Variants in PEX14 observed in about 807,000 individuals in gnomAD.
PEX14 encodes the protein peroxisomal membrane protein PEX14.
A neutral mutation model predicts 49.5 loss-of-function variants in PEX14; 15 were observed. That is an observed-to-expected ratio of 0.30 (90% CI 0.20 to 0.47). PEX14 has a LOEUF of 0.47. PEX14 is among the 20% of genes least tolerant of loss of function. The probability of loss-of-function intolerance (pLI) is 1.00; values close to 1 mark genes in which losing one functional copy is unlikely to be tolerated. For missense variants in PEX14, 398 were observed against 494.8 expected, an observed-to-expected ratio of 0.80 and a Z score of 1.86; for synonymous variants, 210 against 212.7, an observed-to-expected ratio of 0.99 and a Z score of 0.11.
chr1:10,561,729 A>G (rs541082371), intron 3 of PEX14, among the ~76,000 whole-genome samples: 1 of 152,202 alleles, frequency 6.6e-6, no homozygotes, highest in Non-Finnish European at 1.5e-5. Flanking sequence ...TTTAGTATCC[A>G]TTGGAGATTC....
chr1:10,604,275 CAA>C (rs1641067476), intron 4 of PEX14, among the ~76,000 whole-genome samples: 1 of 152,136 alleles, frequency 6.6e-6, no homozygotes, highest in Non-Finnish European at 1.5e-5. Context: ...ACAGGATAGA[CAA>C]GAGCATTCCA....
At chr1:10,475,149 C>A in intron 1 of PEX14, 147 bp downstream of exon 1, 1 of 732,904 alleles carries the variant, frequency 1.4e-6, no homozygotes, top group South Asian at 1.5e-5. Context: ...CGCCCCTCCC[C>A]AGGTCCTCCC....
At chr1:10,583,045 GTTTTTA>G (rs1640370274) in intron 3 of PEX14, among the ~76,000 whole-genome samples, 1 of 151,840 alleles carries the variant, frequency 6.6e-6, no homozygotes, top group South Asian at 2.1e-4. Context: ...CCTGGTAACG[GTTTTTA>G]TACTTACCTC....
chr1:10,508,814 G>A (rs191077344), intron 2 of PEX14, among the ~76,000 whole-genome samples: 120 of 152,348 alleles, frequency 7.9e-4, no homozygotes, highest in African/African-American at 2.7e-3. Context: ...GTGACCTAGG[G>A]CCACTTTCTT....
At chr1:10,549,033 C>T (rs2480773) in intron 3 of PEX14, among the ~76,000 whole-genome samples, 110,670 of 151,974 alleles carry the variant, frequency 0.73, 41,401 homozygotes, top group Non-Finnish European at 0.82. Context: ...TTTAGTAATA[C>T]GGTGGTCTTA....
Position 10,549,174 on chromosome 1 carries a change from C to T in PEX14, c.169+12877C>T, listed in dbSNP as rs371036852. Among the ~76,000 whole-genome samples, 3 of 151,860 alleles carry T rather than the reference C, an allele frequency of 2.0e-5. No individual in the cohort carries two copies. In the East Asian group the frequency reaches 5.8e-4, roughly 29 times the overall value. On this transcript the variant is annotated intron_variant, in intron 3 of 8. Transcript: ENST00000356607. The stretch of plus-strand genomic sequence containing the variant: ...TCTGTGATAAATTAAATATCACAAC[C>T]ACGTAAATGTCATCTTTTCAATGAA...
intron 3 of PEX14, among the ~76,000 whole-genome samples, chr1:10,556,004 G>T (rs1470260749): frequency 1.3e-5 from 2 of 152,104 alleles, no homozygotes; most frequent in Non-Finnish European, 2.9e-5. Flanking sequence ...AGTCCATCTC[G>T]GTGGGCTGGC....
At chr1:10,565,756 G>A (rs1035470983) in intron 3 of PEX14, among the ~76,000 whole-genome samples, 3 of 152,214 alleles carry the variant, frequency 2.0e-5, no homozygotes, top group Non-Finnish European at 2.9e-5. Flanking sequence ...GCTTGAGCCT[G>A]TAATCCCAGC....
intron 1 of PEX14, among the ~76,000 whole-genome samples, chr1:10,489,913 C>T (rs538978006): frequency 1.3e-5 from 2 of 152,340 alleles, no homozygotes; most frequent in South Asian, 2.1e-4. Flanking sequence ...CCAATGTGTA[C>T]ACACAGTGGT....
chr1:10,556,657 A>G (rs1298714841), intron 3 of PEX14, among the ~76,000 whole-genome samples: 1 of 152,046 alleles, frequency 6.6e-6, no homozygotes, highest in Non-Finnish European at 1.5e-5. Context: ...CTACGGCTTC[A>G]TTGTTACCAG....
intron 3 of PEX14, among the ~76,000 whole-genome samples, chr1:10,582,270 G>T (rs1438639200): frequency 1.3e-5 from 2 of 151,966 alleles, no homozygotes; most frequent in African/African-American, 4.8e-5. Context: ...TGAAGCACCA[G>T]TGTGCTTTAT....
chr1:10,624,097 G>C (rs1273087762), intron 6 of PEX14, among the ~76,000 whole-genome samples: 1 of 152,086 alleles, frequency 6.6e-6, no homozygotes, highest in Non-Finnish European at 1.5e-5. Flanking sequence ...GGTTCTGGAC[G>C]GATATACTGT....
intron 2 of PEX14, among the ~76,000 whole-genome samples, chr1:10,535,402 A>G (rs114166276): frequency 2.0e-3 from 310 of 152,354 alleles, no homozygotes; most frequent in African/African-American, 6.7e-3. Flanking sequence ...CAATCTGTCA[A>G]TCTGTCAGCT....
At chr1:10,560,777 G>A (rs1048583804) in intron 3 of PEX14, among the ~76,000 whole-genome samples, 1 of 147,566 alleles carries the variant, frequency 6.8e-6, no homozygotes, top group Non-Finnish European at 1.5e-5. Context: ...GAGTGCAGTG[G>A]TGCAATCTTG....
At chr1:10,580,041 A>T (rs1299935348) in intron 3 of PEX14, among the ~76,000 whole-genome samples, 1 of 152,084 alleles carries the variant, frequency 6.6e-6, no homozygotes, top group Non-Finnish European at 1.5e-5. Flanking sequence ...AGCCGTGGGA[A>T]TGTTAAATAC....
intron 1 of PEX14, among the ~76,000 whole-genome samples, chr1:10,490,504 GTC>G (rs1043557792): frequency 3.9e-5 from 6 of 152,146 alleles, no homozygotes; most frequent in Non-Finnish European, 7.3e-5. Context: ...GAGCACCTTT[GTC>G]TCTACCAAAA....
At chr1:10,574,404 C>A (rs1640064299) in intron 3 of PEX14, among the ~76,000 whole-genome samples, 1 of 152,192 alleles carries the variant, frequency 6.6e-6, no homozygotes, top group Non-Finnish European at 1.5e-5. Context: ...TGTTCTGGAT[C>A]TCCGAGTGGT....
At chr1:10,486,053 C>T (rs956018854) in intron 1 of PEX14, among the ~76,000 whole-genome samples, 19 of 152,042 alleles carry the variant, frequency 1.2e-4, no homozygotes, top group African/African-American at 3.4e-4. Context: ...CCACCGTGCC[C>T]GGCCTCTAGT....
In PEX14 at chr1:10,474,994, C is replaced by A. The variant is rs1007978005; in HGVS notation, c.28C>A (p.Pro10Thr). 2 of 1,609,990 alleles carry A rather than the reference C, an allele frequency of 1.2e-6. No individual in the cohort carries two copies. The highest frequency in any genetic ancestry group is 1.3e-5 in the African/African-American group (1 of 74,894). MASSEQAEQ[P>T]SQPSSTPGSE... ...GGCGTCCTCGGAGCAGGCAGAGCAG[C>A]CGAGCCAGGTAAGGGGAGTGGGACT... is the stretch of plus-strand genomic sequence containing the variant. The change falls in exon 1 of 9, where the codon CCG becomes ACG. Residue 10 changes from proline to threonine, a missense_variant. Coordinates refer to ENST00000356607, the MANE Select transcript of PEX14 (RefSeq NM_004565.3).
Sources: allele counts gnomAD v4.1 joint callset (sites outside exome capture counted in the v4.1 genomes callset), GRCh38; gene constraint gnomAD v4.1.1; transcripts MANE v1.5; gene names NCBI Gene and HGNC (gene_info 2026-07-23, HGNC 2026-07-21).